The following XRCC4 variants were observed in gnomAD, a reference collection of about 807,000 sequenced individuals.
The protein encoded by XRCC4 is DNA repair protein XRCC4.
In XRCC4, 28 loss-of-function variants were observed where a neutral mutation model predicts 39.1. The ratio of observed to expected loss-of-function variants is 0.72; its 90% CI spans 0.53 to 0.98. XRCC4 has a LOEUF of 0.98. XRCC4 is among the 50% of genes least tolerant of loss of function. XRCC4 has a pLI of 0.00. For missense variants in XRCC4, 350 were observed against 376.4 expected (o/e 0.93, Z 0.58); for synonymous variants, 123 against 126.4 (o/e 0.97, Z 0.18).
At chr5:83,166,893 T>G (rs1457415073) in intron 3 of XRCC4, among the ~76,000 whole-genome samples, 1 of 151,996 alleles carries the variant, frequency 6.6e-6, no homozygotes, top group Non-Finnish European at 1.5e-5. Flanking sequence ...TTTTTTGTTT[T>G]TTTTTTGAGA....
rs935507254 is a variant in XRCC4, at chr5:83,087,230, T to C, written c.-11+9615T>C. ...TACTCGGGAGGCTGAGACATGAGAA[T>C]TGCTTGAACCTGGGAGGCAGAGGTT... On this transcript the variant is annotated intron_variant, in intron 1 of 7. Coordinates refer to ENST00000396027, the MANE Select transcript of XRCC4 (RefSeq NM_003401.5). Among the ~76,000 whole-genome samples the C allele has an allele frequency of 2.0e-5, 3 of 151,606 alleles. No individual in the cohort carries two copies. In the South Asian group the frequency reaches 6.3e-4, roughly 32 times the overall value.
At chr5:83,166,331 T>C (rs1039682311) in intron 3 of XRCC4, among the ~76,000 whole-genome samples, 4 of 152,222 alleles carry the variant, frequency 2.6e-5, no homozygotes, top group African/African-American at 4.8e-5. Context: ...TTTGGGTATA[T>C]ACCTAGTAAT....
intron 6 of XRCC4, among the ~76,000 whole-genome samples, chr5:83,209,097 T>A (rs915521915): frequency 1.1e-3 from 162 of 151,500 alleles, no homozygotes; most frequent in Middle Eastern, 3.4e-3. Flanking sequence ...TGTGTGTGTG[T>A]GTGTGTGTGT....
At chr5:83,370,206 T>C in the XRCC4 span, among the ~76,000 whole-genome samples, 1 of 152,156 alleles carries the variant, frequency 6.6e-6, no homozygotes, top group Non-Finnish European at 1.5e-5. Context: ...AATCATATTA[T>C]TGAGAACTAG....
At chr5:83,109,770 A>T (rs963147078) in intron 2 of XRCC4, among the ~76,000 whole-genome samples, 1 of 151,972 alleles carries the variant, frequency 6.6e-6, no homozygotes, top group African/African-American at 2.4e-5. Flanking sequence ...AGTGAGTATA[A>T]TGTTTGAGTG....
At chr5:83,094,954 C>A (rs1745609964) in intron 1 of XRCC4, among the ~76,000 whole-genome samples, 1 of 125,434 alleles carries the variant, frequency 8.0e-6, no homozygotes, top group Admixed American at 8.7e-5. Context: ...GAGTTTTATT[C>A]ATTTCTTTTG....
chr5:83,182,258 T>G (rs4458554), intron 3 of XRCC4, among the ~76,000 whole-genome samples: 9,629 of 152,174 alleles, frequency 0.063, 1,016 homozygotes, highest in East Asian at 0.48. Context: ...GAAACAGCAA[T>G]AACAATTTCC....
intron 7 of XRCC4, among the ~76,000 whole-genome samples, chr5:83,276,424 A>C (rs1316639776): frequency 6.6e-6 from 1 of 151,654 alleles, no homozygotes; most frequent in Non-Finnish European, 1.5e-5. Context: ...CTTTACCCTA[A>C]TGAAGGGATT....
At chr5:83,283,040 A>G (rs1374697688) in intron 7 of XRCC4, among the ~76,000 whole-genome samples, 3 of 149,562 alleles carry the variant, frequency 2.0e-5, no homozygotes, top group Non-Finnish European at 4.4e-5. Context: ...GGTACTTACT[A>G]TAGCCAGACC....
At chr5:83,173,840 G>A (rs1037361737) in intron 3 of XRCC4, among the ~76,000 whole-genome samples, 1 of 152,160 alleles carries the variant, frequency 6.6e-6, no homozygotes, top group Non-Finnish European at 1.5e-5. Context: ...GACAATTGCT[G>A]TTACTTAGTA....
chr5:83,364,221 T>TA, the XRCC4 span, among the ~76,000 whole-genome samples: 9 of 152,178 alleles, frequency 5.9e-5, no homozygotes, highest in East Asian at 3.9e-4. Context: ...TAGCACTTTT[T>TA]AAAAAAAATC....
At chr5:83,297,492 GT>G (rs1561460956) in intron 7 of XRCC4, among the ~76,000 whole-genome samples, 2 of 151,830 alleles carry the variant, frequency 1.3e-5, no homozygotes, top group East Asian at 1.9e-4. Context: ...TTTCTCTTGA[GT>G]TTTCTATGAT....
At chr5:83,216,513 G>T (rs372018782) in intron 6 of XRCC4, among the ~76,000 whole-genome samples, 1 of 152,114 alleles carries the variant, frequency 6.6e-6, no homozygotes, top group Non-Finnish European at 1.5e-5. Context: ...ACATATACTT[G>T]ACTGTTCATC....
chr5:83,118,056 AC>A (rs1179379868), intron 3 of XRCC4, among the ~76,000 whole-genome samples: 61 of 111,422 alleles, frequency 5.5e-4, no homozygotes, highest in African/African-American at 1.9e-3. Context: ...ACACACACAC[AC>A]ACACACACAC....
At chr5:83,294,287 T>C (rs1480577959) in intron 7 of XRCC4, among the ~76,000 whole-genome samples, 2 of 152,036 alleles carry the variant, frequency 1.3e-5, no homozygotes, top group South Asian at 2.1e-4. Flanking sequence ...CAAAGAAATA[T>C]AATTGAAAGA....
chr5:83,373,502 G>T, the XRCC4 span, among the ~76,000 whole-genome samples: 6 of 152,164 alleles, frequency 3.9e-5, no homozygotes, highest in Non-Finnish European at 7.4e-5. Flanking sequence ...GAATATAGTC[G>T]TGTTTTCCAA....
chr5:83,128,573 A>G (rs1747395121), intron 3 of XRCC4, among the ~76,000 whole-genome samples: 1 of 152,190 alleles, frequency 6.6e-6, no homozygotes, highest in Non-Finnish European at 1.5e-5. Context: ...TGGTTGAACT[A>G]GTTTAAAGTC....
chr5:83,192,563 G>A (rs1324952803), intron 3 of XRCC4, among the ~76,000 whole-genome samples: 2 of 151,782 alleles, frequency 1.3e-5, no homozygotes, highest in East Asian at 3.9e-4. Context: ...TGCCCACCTC[G>A]GCCTCCCAAA....
chr5:83,270,849 G>A (rs1754122808), intron 7 of XRCC4, among the ~76,000 whole-genome samples: 3 of 150,404 alleles, frequency 2.0e-5, no homozygotes. Context: ...GCAGTGGCAA[G>A]AGCTCAGCTC....
Sources: gnomAD v4.1 joint callset for allele counts (sites outside exome capture counted in the v4.1 genomes callset) on GRCh38, gnomAD v4.1.1 for gene constraint, MANE v1.5 for transcripts, NCBI Gene and HGNC (gene_info 2026-07-23, HGNC 2026-07-21) for gene names.